ROBO1: variants seen among roughly 807,000 people sequenced by gnomAD.
ROBO1 encodes roundabout guidance receptor 1, also known as roundabout homolog 1.
Under a neutral mutation model 195.9 loss-of-function variants are expected in ROBO1, and 149 were observed. That is an observed-to-expected ratio of 0.76 (90% CI 0.67 to 0.87). The LOEUF (loss-of-function observed/expected upper bound fraction) is 0.87, where lower values mean the gene tolerates loss of function less well. ROBO1 is among the 40% of genes least tolerant of loss of function. The pLI, the probability that ROBO1 is intolerant of heterozygous loss-of-function variation, is 0.00. For missense variants in ROBO1, 1,933 were observed against 2,068.3 expected (o/e 0.93, Z 1.27); for synonymous variants, 816 against 733.2 (o/e 1.11, Z -1.82).
At chr3:79,069,254 C>T (rs1446521407) in intron 3 of ROBO1, among the ~76,000 whole-genome samples, 1 of 151,796 alleles carries the variant, frequency 6.6e-6, no homozygotes, top group South Asian at 2.1e-4. Flanking sequence ...GAACTCATCA[C>T]TTTATGTATG....
chr3:79,028,099 T>A (rs561612976), intron 3 of ROBO1, among the ~76,000 whole-genome samples: 14 of 152,194 alleles, frequency 9.2e-5, no homozygotes, highest in South Asian at 6.2e-4. Context: ...GTATGGCTGA[T>A]AGCCTTATAT....
At chr3:79,545,962 C>A (rs1231695309) in intron 2 of ROBO1, among the ~76,000 whole-genome samples, 1 of 152,066 alleles carries the variant, frequency 6.6e-6, no homozygotes, top group African/African-American at 2.4e-5. Context: ...GTTTCTTCCA[C>A]CTTTGCCATC....
intron 2 of ROBO1, among the ~76,000 whole-genome samples, chr3:79,542,081 A>C (rs1278002494): frequency 1.3e-5 from 2 of 151,978 alleles, no homozygotes; most frequent in Non-Finnish European, 2.9e-5. Context: ...CTTTAGTTAA[A>C]TTAGATCATC....
chr3:79,639,337 A>G (rs749576989), intron 1 of ROBO1, among the ~76,000 whole-genome samples: 1 of 152,162 alleles, frequency 6.6e-6, no homozygotes, highest in Non-Finnish European at 1.5e-5. Context: ...TTTTTTTCCT[A>G]AAGCAGCAAA....
chr3:78,812,511 T>C (rs987192990), intron 4 of ROBO1, among the ~76,000 whole-genome samples: 1 of 152,142 alleles, frequency 6.6e-6, no homozygotes, highest in East Asian at 1.9e-4. Context: ...TACTCAATGA[T>C]GATTATCCTG....
At chr3:79,369,690 T>G (rs1165310178) in intron 2 of ROBO1, among the ~76,000 whole-genome samples, 4 of 152,058 alleles carry the variant, frequency 2.6e-5, no homozygotes. Flanking sequence ...TTTTTTTTTT[T>G]CTTTTGATCT....
At chr3:79,533,300 C>G (rs1038419584) in intron 2 of ROBO1, among the ~76,000 whole-genome samples, 2 of 152,106 alleles carry the variant, frequency 1.3e-5, no homozygotes, top group African/African-American at 4.8e-5. Flanking sequence ...TTTTGATTTA[C>G]TATGTAAAAT....
chr3:78,912,661 A>C (rs2038317619), intron 4 of ROBO1, among the ~76,000 whole-genome samples: 1 of 152,140 alleles, frequency 6.6e-6, no homozygotes, highest in Non-Finnish European at 1.5e-5. Context: ...CATCAATTTT[A>C]GCTAAATAGT....
chr3:79,039,801 C>CAAAAAAAAAAAAA (rs1214691931), intron 3 of ROBO1, among the ~76,000 whole-genome samples: 653 of 51,234 alleles, frequency 0.013, 170 homozygotes, highest in Middle Eastern at 0.028. Context: ...GACTCCGTCT[C>CAAAAAAAAAAAAA]AAAAAAAAAA....
intron 2 of ROBO1, among the ~76,000 whole-genome samples, chr3:79,430,778 GC>G (rs1372801136): frequency 6.6e-6 from 1 of 152,054 alleles, no homozygotes; most frequent in Non-Finnish European, 1.5e-5. Context: ...AATGAGAAAA[GC>G]TTGAATACAT....
intron 2 of ROBO1, among the ~76,000 whole-genome samples, chr3:79,514,559 T>C (rs368800900): frequency 5.6e-4 from 86 of 152,280 alleles, no homozygotes; most frequent in African/African-American, 2.0e-3. Flanking sequence ...TACTGGTCCT[T>C]GTCTATATTA....
At chr3:79,090,148 C>G (rs567377724) in intron 3 of ROBO1, among the ~76,000 whole-genome samples, 2 of 152,082 alleles carry the variant, frequency 1.3e-5, no homozygotes, top group South Asian at 4.1e-4. Context: ...GCATATTGGC[C>G]AGGCTGGTCT....
intron 4 of ROBO1, among the ~76,000 whole-genome samples, chr3:78,757,562 G>A: frequency 6.6e-6 from 1 of 152,000 alleles, no homozygotes; most frequent in East Asian, 1.9e-4. Context: ...GGTGATAATG[G>A]TAACAGTCTC....
At chr3:78,627,618 A>G (rs770939263) in intron 25 of ROBO1, 49 bp from the exon 26 acceptor site, 2 of 1,535,518 alleles carry the variant, frequency 1.3e-6, no homozygotes, top group African/African-American at 2.7e-5. Flanking sequence ...TTATTCAAAT[A>G]AACTATTTGG....
At chr3:79,476,243 T>A (rs1938540715) in intron 2 of ROBO1, among the ~76,000 whole-genome samples, 1 of 152,090 alleles carries the variant, frequency 6.6e-6, no homozygotes, top group Non-Finnish European at 1.5e-5. Flanking sequence ...AAATAATAGA[T>A]GTTGGCACGG....
chr3:79,709,000 C>T (rs1042047225), intron 1 of ROBO1, among the ~76,000 whole-genome samples: 2 of 151,638 alleles, frequency 1.3e-5, no homozygotes, highest in African/African-American at 4.8e-5. Context: ...ATTCAATTAC[C>T]AAAAGGGAAA....
chr3:78,601,449 G>GGAGT (rs1703165923), intron 29 of ROBO1, among the ~76,000 whole-genome samples: 1 of 152,108 alleles, frequency 6.6e-6, no homozygotes, highest in South Asian at 2.1e-4. Flanking sequence ...CTGACACATA[G>GGAGT]GAGTTTCACA....
chr3:79,018,909 T>G (rs2078028979), intron 3 of ROBO1: 1 of 988,702 alleles, frequency 1.0e-6, no homozygotes, highest in Non-Finnish European at 1.2e-6. Flanking sequence ...CAAAAAGTGC[T>G]TCTCCGTCTC....
chr3:78,778,553 C>T (rs1374813940), intron 4 of ROBO1, among the ~76,000 whole-genome samples: 1 of 152,108 alleles, frequency 6.6e-6, no homozygotes. Flanking sequence ...CCTAAGAATA[C>T]AACTTACAAG....
Sources: gnomAD v4.1 joint callset for allele counts (sites outside exome capture counted in the v4.1 genomes callset) on GRCh38, gnomAD v4.1.1 for gene constraint, MANE v1.5 for transcripts, NCBI Gene and HGNC (gene_info 2026-07-23, HGNC 2026-07-21) for gene names.